Variants in CBFA2T2 observed in about 807,000 individuals in gnomAD.
CBFA2T2 encodes protein CBFA2T2.
Under a neutral mutation model 62.2 loss-of-function variants are expected in CBFA2T2, and 11 were observed. The observed-to-expected ratio is 0.18, with a 90% confidence interval of 0.11 to 0.29. CBFA2T2 has a LOEUF of 0.29. CBFA2T2 is among the 10% of genes least tolerant of loss of function. The pLI, the probability that CBFA2T2 is intolerant of heterozygous loss-of-function variation, is 1.00. For synonymous variants in CBFA2T2, 295 were observed against 287.5 expected (o/e 1.03, Z -0.27); for missense variants, 592 against 774.1 (o/e 0.76, Z 2.79).
chr20:33,504,157 A>G (rs1332974574), intron 1 of CBFA2T2, among the ~76,000 whole-genome samples: 1 of 152,024 alleles, frequency 6.6e-6, no homozygotes, highest in Non-Finnish European at 1.5e-5. Context: ...GATGTGTTTC[A>G]CTTACCATAA....
At chr20:33,546,775 GTGAGCCACTGTGCC>G (rs1377735249) in intron 1 of CBFA2T2, among the ~76,000 whole-genome samples, 1 of 151,864 alleles carries the variant, frequency 6.6e-6, no homozygotes, top group African/African-American at 2.4e-5. Flanking sequence ...GATTACAGGC[GTGAGCCACTGTGCC>G]TGGCCTGGGT....
intron 1 of CBFA2T2, chr20:33,562,657 A>T: frequency 1.0e-6 from 1 of 985,478 alleles, no homozygotes; most frequent in Non-Finnish European, 1.2e-6. Flanking sequence ...TGGATTGTTT[A>T]TAATTTGGGC....
At chr20:33,610,840 T>A (rs554675328) in intron 2 of CBFA2T2, among the ~76,000 whole-genome samples, 1 of 152,268 alleles carries the variant, frequency 6.6e-6, no homozygotes, top group Non-Finnish European at 1.5e-5. Flanking sequence ...CCCCTGCCCA[T>A]GGCACCTGTA....
intron 9 of CBFA2T2, among the ~76,000 whole-genome samples, chr20:33,640,100 C>A (rs1170051670): frequency 6.6e-6 from 1 of 152,192 alleles, no homozygotes; most frequent in Non-Finnish European, 1.5e-5. Context: ...CACAAGCAGT[C>A]AGGAGAGTGT....
At chr20:33,592,131 G>A (rs2014673605) in intron 1 of CBFA2T2, among the ~76,000 whole-genome samples, 1 of 152,058 alleles carries the variant, frequency 6.6e-6, no homozygotes, top group Non-Finnish European at 1.5e-5. Flanking sequence ...GGGAGGCTGA[G>A]GTGGGCGGAT....
intron 1 of CBFA2T2, among the ~76,000 whole-genome samples, chr20:33,583,997 G>T (rs981795352): frequency 6.6e-6 from 1 of 152,046 alleles, no homozygotes; most frequent in African/African-American, 2.4e-5. Flanking sequence ...CCCTAGGCTG[G>T]AGTGCGGTGG....
At chr20:33,518,552 C>T (rs1189587159) in intron 1 of CBFA2T2, among the ~76,000 whole-genome samples, 1 of 149,342 alleles carries the variant, frequency 6.7e-6, no homozygotes, top group African/African-American at 2.5e-5. Flanking sequence ...CACCTGAGGT[C>T]GGGAGTTTGA....
chr20:33,568,201 A>G (rs2013416864), intron 1 of CBFA2T2, among the ~76,000 whole-genome samples: 1 of 152,256 alleles, frequency 6.6e-6, no homozygotes, highest in African/African-American at 2.4e-5. Flanking sequence ...GAAAGAAATT[A>G]GCATGATACT....
intron 1 of CBFA2T2, among the ~76,000 whole-genome samples, chr20:33,569,207 G>A (rs531780719): frequency 1.3e-5 from 2 of 152,264 alleles, no homozygotes; most frequent in South Asian, 4.2e-4. Flanking sequence ...TTGCTTTTTG[G>A]TTTGTTAAAT....
chr20:33,566,120 A>G (rs542132342), intron 1 of CBFA2T2, among the ~76,000 whole-genome samples: 1 of 152,314 alleles, frequency 6.6e-6, no homozygotes, highest in South Asian at 2.1e-4. Flanking sequence ...TGAGGGAAAG[A>G]TAATGGGATG....
chr20:33,498,150 A>G (rs2011224012), intron 1 of CBFA2T2, among the ~76,000 whole-genome samples: 1 of 150,540 alleles, frequency 6.6e-6, no homozygotes, highest in Non-Finnish European at 1.5e-5. Context: ...AGGCTGGTCT[A>G]GAACTCCTAG....
intron 1 of CBFA2T2, among the ~76,000 whole-genome samples, chr20:33,505,236 G>T (rs976243562): frequency 9.9e-5 from 15 of 152,150 alleles, no homozygotes; most frequent in African/African-American, 3.4e-4. Flanking sequence ...GAAGATATGG[G>T]TGTCATCCCA....
chr20:33,614,433 TTAAC>T (rs2015632274), intron 3 of CBFA2T2, among the ~76,000 whole-genome samples: 2 of 152,222 alleles, frequency 1.3e-5, no homozygotes, highest in Non-Finnish European at 2.9e-5. Context: ...ATTTACTATA[TTAAC>T]TATTTTTAGG....
intron 6 of CBFA2T2, among the ~76,000 whole-genome samples, chr20:33,627,171 G>A (rs1204251305): frequency 6.6e-6 from 1 of 152,080 alleles, no homozygotes; most frequent in African/African-American, 2.4e-5. Flanking sequence ...GCCTAGGTGG[G>A]CGAATCGTGA....
intron 1 of CBFA2T2, among the ~76,000 whole-genome samples, chr20:33,590,285 T>C (rs1372158968): frequency 6.6e-6 from 1 of 151,898 alleles, no homozygotes; most frequent in African/African-American, 2.4e-5. Context: ...TTTTTTCCTG[T>C]GCACAAACAG....
chr20:33,506,692 T>C (rs1462493764), intron 1 of CBFA2T2, among the ~76,000 whole-genome samples: 1 of 152,104 alleles, frequency 6.6e-6, no homozygotes, highest in Non-Finnish European at 1.5e-5. Context: ...CGAGTGAGAG[T>C]TCTGTTGGGA....
chr20:33,490,347 CCTGCGGCTCCGCA>C, intron 1 of CBFA2T2, 46 bp downstream of exon 1: 1 of 1,261,804 alleles, frequency 7.9e-7, no homozygotes, highest in Non-Finnish European at 1.0e-6. Context: ...CGTGTGAGGG[CCTGCGGCTCCGCA>C]GGCGCGGTGA....
At chr20:33,619,127 C>T (rs116004447) in intron 3 of CBFA2T2, among the ~76,000 whole-genome samples, 8 of 152,192 alleles carry the variant, frequency 5.3e-5, no homozygotes, top group Admixed American at 3.9e-4. Flanking sequence ...GTAATCCCAA[C>T]ACTTTGGAAG....
At chr20:33,562,777 T>C in intron 1 of CBFA2T2, 2 of 624,918 alleles carry the variant, frequency 3.2e-6, no homozygotes, top group Non-Finnish European at 4.0e-6. Context: ...TGTTTCTTGG[T>C]ATTTGATACA....
Sources: gnomAD v4.1 joint callset for allele counts (sites outside exome capture counted in the v4.1 genomes callset) on GRCh38, gnomAD v4.1.1 for gene constraint, MANE v1.5 for transcripts, NCBI Gene and HGNC (gene_info 2026-07-23, HGNC 2026-07-21) for gene names.